Variants in IL2RB observed in about 807,000 individuals in gnomAD.
The protein encoded by IL2RB is interleukin-2 receptor subunit beta.
A neutral mutation model predicts 44.2 loss-of-function variants in IL2RB; 17 were observed. The ratio of observed to expected loss-of-function variants is 0.38; its 90% CI spans 0.26 to 0.58. IL2RB has a LOEUF of 0.58. Ranked by LOEUF, IL2RB falls within the 20% of genes least tolerant of loss-of-function variation. The pLI is 0.63. For synonymous variants in IL2RB, 286 were observed against 297.9 expected (o/e 0.96, Z 0.41); for missense variants, 624 against 685.5 (o/e 0.91, Z 1.00).
chr22:37,129,816 G>A (rs937468091), intron 9 of IL2RB, among the ~76,000 whole-genome samples: 1 of 152,192 alleles, frequency 6.6e-6, no homozygotes, highest in Non-Finnish European at 1.5e-5. Flanking sequence ...GGGTGAGTTT[G>A]GGAGCCCTGA....
chr22:37,146,972 C>T (rs1464441785), intron 1 of IL2RB, among the ~76,000 whole-genome samples: 1 of 152,228 alleles, frequency 6.6e-6, no homozygotes, highest in African/African-American at 2.4e-5. Flanking sequence ...GGCCCACGCA[C>T]TGTCAAAGCT....
chr22:37,164,096 A>C (rs781273550), intron 1 of IL2RB, among the ~76,000 whole-genome samples: 1 of 152,206 alleles, frequency 6.6e-6, no homozygotes, highest in Non-Finnish European at 1.5e-5. Context: ...AGGGTGCGTG[A>C]GGAGAGGCGG....
chr22:37,151,477 G>A (rs1018553045), upstream of IL2RB, among the ~76,000 whole-genome samples: 1 of 152,138 alleles, frequency 6.6e-6, no homozygotes, highest in Non-Finnish European at 1.5e-5. Context: ...TCCCTTGTCA[G>A]ATAGTTTGCA....
At chr22:37,173,870 C>T (rs372782038) in intron 1 of IL2RB, among the ~76,000 whole-genome samples, 5 of 152,302 alleles carry the variant, frequency 3.3e-5, no homozygotes, top group African/African-American at 9.6e-5. Flanking sequence ...AACCAGGGGA[C>T]GCTCAGGGAT....
chr22:37,172,226 A>AAAAAAAC lies in IL2RB; in HGVS notation c.-34+2731_-34+2732insGTTTTTT, dbSNP rs1555899954. Among the ~76,000 whole-genome samples the AAAAAAAC allele has an allele frequency of 5.4e-3, 826 of 151,564 alleles. 11 individuals carry two copies. The highest frequency in any genetic ancestry group is 0.019 in the African/African-American group (775 of 40,994). ...AACTAAAGGTAAAGTAAAAAAAAAA[A>AAAAAAAC]AAAAAAAAGTGATGTTGGGGATGGA... On this transcript the variant is annotated intron_variant, in intron 1 of 5. Transcript: ENST00000429622.
chr22:37,138,910 G>C (rs1372247335), intron 5 of IL2RB, among the ~76,000 whole-genome samples: 2 of 152,180 alleles, frequency 1.3e-5, no homozygotes, highest in African/African-American at 4.8e-5. Flanking sequence ...GAGTGCCGGG[G>C]AGGAGGCCCA....
chr22:37,130,109 C>T (rs2146226041), intron 9 of IL2RB, among the ~76,000 whole-genome samples: 1 of 152,320 alleles, frequency 6.6e-6, no homozygotes, highest in South Asian at 2.1e-4. Flanking sequence ...CTTTCTGCAA[C>T]CAGGAGTTAT....
At chr22:37,142,235 C>T (rs971598961) in intron 4 of IL2RB, among the ~76,000 whole-genome samples, 199 bp downstream of exon 4, 2 of 152,220 alleles carry the variant, frequency 1.3e-5, no homozygotes, top group African/African-American at 4.8e-5. Context: ...TCCGTCGGCC[C>T]TGGGGCAGGC....
At chr22:37,139,085 T>C (rs560986264) in intron 5 of IL2RB, 32 bp downstream of exon 5, 1 of 1,398,632 alleles carries the variant, frequency 7.1e-7, no homozygotes, top group East Asian at 2.3e-5. Flanking sequence ...TGCCCAGCCC[T>C]GCCCCAGCCC....
chr22:37,160,827 G>A (rs914011437), intron 1 of IL2RB, among the ~76,000 whole-genome samples: 4 of 152,012 alleles, frequency 2.6e-5, no homozygotes, highest in Non-Finnish European at 4.4e-5. Flanking sequence ...CTGGGTGACA[G>A]AGCGAGACTC....
chr22:37,153,336 C>A (rs1184954537), upstream of IL2RB, among the ~76,000 whole-genome samples: 1 of 152,210 alleles, frequency 6.6e-6, no homozygotes, highest in Non-Finnish European at 1.5e-5. Context: ...TCAGGCCCAA[C>A]TCCCATGTGC....
At chr22:37,170,929 A>G (rs1199702384) in intron 1 of IL2RB, among the ~76,000 whole-genome samples, 1 of 152,098 alleles carries the variant, frequency 6.6e-6, no homozygotes, top group Non-Finnish European at 1.5e-5. Flanking sequence ...GGAACTTCCG[A>G]TATTATGGAT....
chr22:37,143,680 A>G (rs1408833142), intron 2 of IL2RB, 45 bp from the exon 3 acceptor site: 1 of 1,365,532 alleles, frequency 7.3e-7, no homozygotes, highest in Admixed American at 1.7e-5. Context: ...AGGTGCCCAC[A>G]GCCCCCCCAA....
chr22:37,153,562 T>C (rs1373554068), upstream of IL2RB, among the ~76,000 whole-genome samples: 1 of 152,126 alleles, frequency 6.6e-6, no homozygotes, highest in Non-Finnish European at 1.5e-5. Flanking sequence ...TGCCCTTCCC[T>C]CTCCTCTAGA....
At chr22:37,154,389 C>A (rs187162015), upstream of IL2RB, among the ~76,000 whole-genome samples, 1 of 152,102 alleles carries the variant, frequency 6.6e-6, no homozygotes, top group Non-Finnish European at 1.5e-5. Flanking sequence ...CAGGCCATGG[C>A]GTGCACCCTC....
intron 1 of IL2RB, among the ~76,000 whole-genome samples, chr22:37,156,190 G>A (rs2146258974): frequency 6.6e-6 from 1 of 152,238 alleles, no homozygotes; most frequent in African/African-American, 2.4e-5. Flanking sequence ...CTCCATACCA[G>A]TCCCACACCC....
intron 2 of IL2RB, among the ~76,000 whole-genome samples, 165 bp downstream of exon 2, chr22:37,143,908 TGTGTGTGTGTGC>T (rs57650568): frequency 0.049 from 6,839 of 138,854 alleles, 544 homozygotes; most frequent in African/African-American, 0.19. Flanking sequence ...TGTGTGTGTG[TGTGTGTGTGTGC>T]GCGCATTCAT....
chr22:37,149,918 G>A, upstream of IL2RB: 1 of 985,512 alleles, frequency 1.0e-6, no homozygotes, highest in Non-Finnish European at 1.2e-6. Context: ...CTGAGCTCTG[G>A]CTGCTGGGGC....
rs181177639 is a variant in IL2RB, at chr22:37,128,443, C to T, written c.1309G>A (p.Gly437Ser). ...GGGGCAGTGCTTGGGGGGCTGGGGC[C>T]ACCGAGGAGACTGGGGGAGAAGAGC... ...LLLFSPSLLG[G>S]PSPPSTAPGG... Residue 437 changes from glycine to serine, a missense_variant, in exon 10 of 10, where the codon GGC (glycine) becomes AGC (serine). Around this residue, in one of 3 missense-constraint regions of IL2RB, gnomAD observed 291 missense variants for 275.5 expected, o/e 1.06. Transcript: ENST00000216223. This position sits in a 1 kb window ranked among gnomAD's most constrained non-coding sequence, Gnocchi z 4.5. 8.4e-4 allele frequency: 1,294 copies of T among 1,548,484 alleles called. 10 individuals are homozygous for T. In the African/African-American group the frequency reaches 0.015, roughly 18 times the overall value.
Sources: gnomAD v4.1 joint callset for allele counts (sites outside exome capture counted in the v4.1 genomes callset) on GRCh38, gnomAD v4.1.1 for gene constraint, gnomAD v4.1.1 regional missense constraint, Gnocchi (gnomAD v3.1) non-coding constraint, MANE v1.5 for transcripts, NCBI Gene and HGNC (gene_info 2026-07-23, HGNC 2026-07-21) for gene names.